Variants in PTPN12 observed in about 807,000 individuals in gnomAD.
PTPN12 encodes the protein tyrosine-protein phosphatase non-receptor type 12.
Under a neutral mutation model 97.6 loss-of-function variants are expected in PTPN12, and 29 were observed. That is an observed-to-expected ratio of 0.30 (90% CI 0.22 to 0.41). The LOEUF is 0.41. PTPN12 is among the 10% of genes least tolerant of loss of function. The pLI, the probability that PTPN12 is intolerant of heterozygous loss-of-function variation, is 1.00. For synonymous variants in PTPN12, 327 were observed against 300.4 expected (o/e 1.09, Z -0.91); for missense variants, 819 against 926.0 (o/e 0.88, Z 1.50).
At chr7:77,615,148 G>T (rs932488012) in intron 11 of PTPN12, among the ~76,000 whole-genome samples, 8 of 152,124 alleles carry the variant, frequency 5.3e-5, no homozygotes, top group Non-Finnish European at 8.8e-5. Flanking sequence ...TACAAGTACT[G>T]TCAACACCAG....
intron 11 of PTPN12, among the ~76,000 whole-genome samples, chr7:77,613,589 C>T (rs927141245): frequency 6.6e-6 from 1 of 152,038 alleles, no homozygotes; most frequent in Admixed American, 6.6e-5. Flanking sequence ...TGCAGTGGCT[C>T]ATGCCTGGAA....
chr7:77,549,834 G>T (rs1230545825), intron 1 of PTPN12, among the ~76,000 whole-genome samples: 1 of 151,960 alleles, frequency 6.6e-6, no homozygotes, highest in Non-Finnish European at 1.5e-5. Context: ...TTCCATCTTG[G>T]CTCCCCAAGT....
At chr7:77,599,979 T>C (rs534952697) in intron 7 of PTPN12, among the ~76,000 whole-genome samples, 1 of 152,304 alleles carries the variant, frequency 6.6e-6, no homozygotes. Flanking sequence ...GAGAAATTTT[T>C]AAAAAACATG....
At chr7:77,621,451 C>T (rs965148176) in intron 12 of PTPN12, among the ~76,000 whole-genome samples, 14 of 152,122 alleles carry the variant, frequency 9.2e-5, no homozygotes, top group Non-Finnish European at 1.5e-4. Context: ...GGTGGATCAC[C>T]TGAGGTTGGG....
rs1554326606 is a variant in PTPN12 at position 77,625,474 on chromosome 7, T to TTGCGCG, written c.1026-1231_1026-1230insTGCGCG. Among the ~76,000 whole-genome samples, 30 of 29,158 alleles carry TTGCGCG rather than the reference T, an allele frequency of 1.0e-3. 4 individuals carry two copies. The highest frequency in any genetic ancestry group is 4.6e-3 in the African/African-American group (29 of 6,260). The allele number at this position is 29,158 out of a possible 152,430, so 19.1% of individuals were successfully genotyped here. A position where few individuals can be genotyped will look rare whatever the true frequency, so the allele number is the denominator to read the frequency against. Reference sequence around the variant, plus strand: ...TTGCCATATTGCCCAGGCTGCTCGCTCTCTCTCTCTCTCTCTCTCTCTCTC... The same window carrying TTGCGCG: ...TTGCCATATTGCCCAGGCTGCTCGCTTGCGCGCTCTCTCTCTCTCTCTCTCTCTCTC... On this transcript the variant is annotated intron_variant, in intron 12 of 17. Transcript: ENST00000248594.
chr7:77,635,384 G>A (rs1181534346), intron 14 of PTPN12, among the ~76,000 whole-genome samples: 3 of 152,156 alleles, frequency 2.0e-5, no homozygotes, highest in South Asian at 2.1e-4. Flanking sequence ...AGCCGAGATC[G>A]CGCCTGGTCA....
At position 77,537,663 on chromosome 7, in the gene PTPN12, C is replaced by T. The variant is rs757318085; in HGVS notation, c.99+18C>T. The stretch of plus-strand genomic sequence containing the variant: ...ACTTCATGGTGAGTCTCTCCCCTCG[C>T]TGTCGCGTTTTCTTGCCGGCGCCGG... On this transcript the variant is annotated intron_variant, in intron 1 of 17. Coordinates refer to ENST00000248594, the MANE Select transcript of PTPN12 (RefSeq NM_002835.4). 1.0e-5 allele frequency: 16 copies of T among 1,575,884 alleles called. No individual in the cohort carries two copies. The Admixed American group carries it at 2.9e-4, about 28-fold the overall frequency.
At chr7:77,548,038 A>G (rs1376328442) in intron 1 of PTPN12, among the ~76,000 whole-genome samples, 16 of 152,206 alleles carry the variant, frequency 1.1e-4, no homozygotes, top group Admixed American at 1.0e-3. Flanking sequence ...ATCTTACAGT[A>G]GGACCTTTTA....
At chr7:77,584,368 C>G (rs1183223570) in intron 4 of PTPN12, among the ~76,000 whole-genome samples, 2 of 152,062 alleles carry the variant, frequency 1.3e-5, no homozygotes, top group African/African-American at 4.8e-5. Flanking sequence ...TTTATATTTG[C>G]TGTACTTCAC....
At chr7:77,554,501 C>T (rs562601872) in intron 1 of PTPN12, among the ~76,000 whole-genome samples, 4 of 152,272 alleles carry the variant, frequency 2.6e-5, no homozygotes, top group East Asian at 1.9e-4. Context: ...TCTGAATAAA[C>T]GTATCAGATC....
chr7:77,627,390 A>G lies in PTPN12; in HGVS notation c.1711A>G (p.Ser571Gly), dbSNP rs143175780. ...TAGGAAAACTGTGAGTTTAACACCA[A>G]GTCCTACAACACAAGTTGAAACACC... ...QTRKTVSLTP[S>G]PTTQVETPDL... Residue 571 changes from serine to glycine, a missense_variant, in exon 13 of 18, where the codon AGT (serine) becomes GGT (glycine). Physicochemically the swap from Ser to Gly is moderately conservative, Grantham distance 56. This residue lies in a region of PTPN12 where 607 missense variants were observed against 577.3 expected (regional missense o/e 1.05). Transcript: ENST00000248594. 6.9e-5 allele frequency: 112 copies of G among 1,614,036 alleles called. No homozygotes were observed. Among genetic ancestry groups the G allele is most frequent in the Non-Finnish European group, 8.6e-5 (102 of 1,179,994 alleles).
chr7:77,633,720 A>G (rs1026438532), intron 14 of PTPN12, among the ~76,000 whole-genome samples: 3 of 152,112 alleles, frequency 2.0e-5, no homozygotes, highest in African/African-American at 7.2e-5. Context: ...TAACTGAAAG[A>G]CATTTAACAC....
At chr7:77,608,419 T>G (rs1788448662) in intron 9 of PTPN12, among the ~76,000 whole-genome samples, 1 of 152,220 alleles carries the variant, frequency 6.6e-6, no homozygotes. Context: ...AAATAGTGTT[T>G]GATACTGTGG....
At chr7:77,622,688 T>C (rs1363976931) in intron 12 of PTPN12, among the ~76,000 whole-genome samples, 4 of 151,908 alleles carry the variant, frequency 2.6e-5, no homozygotes, top group Admixed American at 2.6e-4. Context: ...GGAGAATCGC[T>C]TGAACCCGGG....
chr7:77,576,171 A>T, intron 2 of PTPN12, among the ~76,000 whole-genome samples: 1 of 152,166 alleles, frequency 6.6e-6, no homozygotes. Context: ...AACACATTTT[A>T]AAGATTCATT....
chr7:77,542,554 G>A (rs1807029472), intron 1 of PTPN12, among the ~76,000 whole-genome samples: 3 of 152,134 alleles, frequency 2.0e-5, no homozygotes, highest in Admixed American at 6.5e-5. Flanking sequence ...GAAATAGAGT[G>A]TATACAACAC....
intron 1 of PTPN12, among the ~76,000 whole-genome samples, chr7:77,555,167 CT>C (rs1334436036): frequency 6.7e-6 from 1 of 149,510 alleles, no homozygotes; most frequent in African/African-American, 2.4e-5. Context: ...ACTTGCTCCT[CT>C]TTAGGTAAGA....
intron 12 of PTPN12, among the ~76,000 whole-genome samples, chr7:77,625,472 G>GCTCGCGCGCGCGCTCTCTCTCTCTCT: frequency 4.2e-4 from 14 of 33,528 alleles, no homozygotes; most frequent in South Asian, 1.4e-3. Flanking sequence ...CAGGCTGCTC[G>GCTCGCGCGCGCGCTCTCTCTCTCTCT]CTCTCTCTCT....
intron 16 of PTPN12, among the ~76,000 whole-genome samples, chr7:77,637,944 AATTTTTTTTTTTTTTTTTT>A (rs1789662758): frequency 2.2e-5 from 2 of 89,500 alleles, no homozygotes; most frequent in African/African-American, 9.7e-5. Context: ...GATTTCTTAA[AATTTTTTTTTTTTTTTTTT>A]TTTTTTTTTT....
Sources: allele counts gnomAD v4.1 joint callset (sites outside exome capture counted in the v4.1 genomes callset), GRCh38; gene constraint gnomAD v4.1.1; regional missense constraint gnomAD v4.1.1; transcripts MANE v1.5; gene names NCBI Gene and HGNC (gene_info 2026-07-23, HGNC 2026-07-21).